TRANK1: variants seen among roughly 807,000 people sequenced by gnomAD.
TRANK1 encodes TPR and ankyrin repeat-containing protein 1.
In TRANK1, 198 loss-of-function variants were observed where a neutral mutation model predicts 266.0. The ratio of observed to expected loss-of-function variants is 0.74; its 90% CI spans 0.66 to 0.84. The LOEUF is 0.84. Ranked by LOEUF, TRANK1 falls within the 40% of genes least tolerant of loss-of-function variation. TRANK1 has a pLI of 0.00. For synonymous variants in TRANK1, 1,396 were observed against 1,384.1 expected (o/e 1.01, Z -0.19); for missense variants, 3,326 against 3,634.6 (o/e 0.92, Z 2.18).
In TRANK1 at chr3:36,847,269, A is replaced by G. The variant is rs749085862; in HGVS notation, c.4965T>C (p.Val1655=). Reference sequence around the variant, plus strand: ...AGCCTGGTTTGTCCAGGGGTACTTCAACCAATGGCCGGTTTTCCTCTCTGG... The same window carrying G: ...AGCCTGGTTTGTCCAGGGGTACTTCGACCAATGGCCGGTTTTCCTCTCTGG... ...TDSREENRPL[V]EVPLDKPGSS... Residue 1655 remains valine (V), a synonymous_variant, in exon 16 of 24, where the codon GTT becomes GTC. Transcript: ENST00000645898. 1.9e-5 allele frequency: 31 copies of G among 1,613,556 alleles called. No homozygotes were observed. Among genetic ancestry groups the G allele is most frequent in the Admixed American group, 1.2e-4 (7 of 59,952 alleles).
chr3:36,937,022 G>A (rs1302699812), intron 1 of TRANK1, among the ~76,000 whole-genome samples: 6 of 152,002 alleles, frequency 3.9e-5, no homozygotes, highest in South Asian at 2.1e-4. Context: ...GCTTGAGCCC[G>A]GGAGGCGGAG....
In TRANK1 at chr3:36,874,255, C is replaced by T. The variant is rs1575238154; in HGVS notation, c.949G>A (p.Asp317Asn). The part of the protein sequence containing the change: ...DVQMLLRFGA[D>N]PTLLDRQSRS... ...GACTGTCGATCCAGCAAAGTGGGAT[C>T]TGCCCCAAAGCGCAGGAGCATCTGC... is the stretch of plus-strand genomic sequence containing the variant. The change falls in exon 9 of 24, where the codon GAT becomes AAT. Residue 317 changes from aspartate to asparagine, a missense_variant. Asp to Asn is a conservative substitution (Grantham distance 23, BLOSUM62 1). Transcript: ENST00000645898. 4 of 1,537,202 alleles carry T rather than the reference C, an allele frequency of 2.6e-6. No individual in the cohort carries two copies. In the Admixed American group the frequency reaches 5.9e-5, roughly 23 times the overall value.
chr3:36,870,143 C>A (rs1308552208), intron 9 of TRANK1, among the ~76,000 whole-genome samples: 1 of 152,232 alleles, frequency 6.6e-6, no homozygotes, highest in African/African-American at 2.4e-5. Flanking sequence ...AGTGGTGGCT[C>A]ACGCCTATAA....
At position 36,874,288 on chromosome 3, in the gene TRANK1, C is replaced by CT. The variant is rs2079354031; in HGVS notation, c.915dup (p.Glu306ArgfsTer31). 1.3e-6 allele frequency: 2 copies of CT among 1,536,944 alleles called. No homozygotes were observed. The highest frequency in any genetic ancestry group is 1.7e-6 in the Non-Finnish European group (2 of 1,146,766). ...AAGCGCAGGAGCATCTGCACATCCT[C>CT]TGTTTGTCCTAGGGCAGGCCAAAAT... is the stretch of plus-strand genomic sequence containing the variant. On this transcript the variant is annotated frameshift_variant, in exon 9 of 24. Coordinates refer to ENST00000645898, the MANE Select transcript of TRANK1 (RefSeq NM_001329998.2). LOFTEE classifies it high-confidence loss of function.
intron 8 of TRANK1, among the ~76,000 whole-genome samples, chr3:36,878,775 C>CA (rs202216198): frequency 1.2e-3 from 148 of 121,752 alleles, no homozygotes; most frequent in Middle Eastern, 4.4e-3. Flanking sequence ...AATGAAAGTT[C>CA]AAAAAAAAAA....
At chr3:36,907,908 G>A (rs1240429883) in intron 2 of TRANK1, among the ~76,000 whole-genome samples, 2 of 152,186 alleles carry the variant, frequency 1.3e-5, no homozygotes, top group African/African-American at 4.8e-5. Flanking sequence ...TACAATGTTT[G>A]AGAACAGGTC....
At position 36,857,868 on chromosome 3, in the gene TRANK1, G is replaced by T. The variant is rs2079080885; in HGVS notation, c.1854C>A (p.Asp618Glu). The change falls in exon 13 of 24, where the codon GAC becomes GAA. Residue 618 changes from aspartate to glutamate, a missense_variant. Coordinates refer to ENST00000645898, the MANE Select transcript of TRANK1 (RefSeq NM_001329998.2). The surrounding 1 kb of genome is among the most constrained non-coding windows in gnomAD (Gnocchi z 4.3). ...KKLLDLLVKF[D>E]INFNLKNKEG... ...CTTTGTTCTTCAGATTGAAGTTGAT[G>T]TCAAACTTCACCAGCAGGTCTAACA... is the stretch of plus-strand genomic sequence containing the variant. The T allele has an allele frequency of 6.8e-6, 11 of 1,613,224 alleles. No homozygotes were observed. Among genetic ancestry groups the T allele is most frequent in the Non-Finnish European group, 8.5e-6 (10 of 1,179,850 alleles).
rs2079041559 is a variant in TRANK1 at position 36,855,668 on chromosome 3, A to G, written c.4054T>C (p.Ser1352Pro). The change falls in exon 13 of 24, where the codon TCT becomes CCT. Residue 1352 changes from serine (S) to proline (P), a missense_variant. Physicochemically the swap from Ser to Pro is moderately conservative, Grantham distance 74. Coordinates refer to ENST00000645898, the MANE Select transcript of TRANK1 (RefSeq NM_001329998.2). ...GCCTCAAAAGAACCCTTTAGAAAAG[A>G]TTTTATTTCTTTCCAAATCAGTGCA... ...NPALIWKEIK[S>P]FLKGSFEALS... is the part of the protein sequence containing the mutation. The G allele has an allele frequency of 6.2e-7, 1 of 1,613,520 alleles. No individual in the cohort carries two copies. The highest frequency in any genetic ancestry group is 1.1e-5 in the South Asian group (1 of 91,066).
At chr3:36,879,820 ACAAATATATG>A (rs1243481459) in intron 8 of TRANK1, among the ~76,000 whole-genome samples, 1 of 115,256 alleles carries the variant, frequency 8.7e-6, no homozygotes, top group Non-Finnish European at 1.7e-5. Context: ...ATGTAAATAT[ACAAATATATG>A]TAAATATACA....
intron 1 of TRANK1, among the ~76,000 whole-genome samples, chr3:36,918,518 A>AAGGAAG (rs1559473271): frequency 8.5e-5 from 3 of 35,324 alleles, no homozygotes; most frequent in African/African-American, 3.4e-4. Context: ...AAAGAAAGAA[A>AAGGAAG]GAAAGAAAGA....
At chr3:36,834,600 C>T (rs1293079593) in intron 21 of TRANK1, 162 bp downstream of exon 21, 2 of 700,588 alleles carry the variant, frequency 2.9e-6, no homozygotes, top group Non-Finnish European at 2.3e-6. Flanking sequence ...GTCCTGCTCT[C>T]AAAGAGCTGC....
intron 17 of TRANK1, 95 bp from the exon 18 acceptor site, chr3:36,842,805 CA>C: frequency 9.1e-7 from 1 of 1,093,208 alleles, no homozygotes; most frequent in Non-Finnish European, 1.4e-6. Flanking sequence ...CGCCAGCCAT[CA>C]AATTCACTTG....
intron 1 of TRANK1, among the ~76,000 whole-genome samples, chr3:36,913,289 G>A (rs192466055): frequency 2.0e-5 from 3 of 152,138 alleles, no homozygotes; most frequent in Admixed American, 1.3e-4. Flanking sequence ...GACCTCAAGT[G>A]ATCCGGCCGC....
At chr3:36,934,732 A>G (rs2080401610) in intron 1 of TRANK1, among the ~76,000 whole-genome samples, 1 of 152,194 alleles carries the variant, frequency 6.6e-6, no homozygotes, top group Non-Finnish European at 1.5e-5. Flanking sequence ...CAAAGACTTG[A>G]GCCAAAAATC....
At chr3:36,934,854 G>T (rs1429368219) in intron 1 of TRANK1, among the ~76,000 whole-genome samples, 1 of 152,190 alleles carries the variant, frequency 6.6e-6, no homozygotes, top group Non-Finnish European at 1.5e-5. Context: ...CCCTTAGGAG[G>T]CATGCAGGCC....
intron 1 of TRANK1, among the ~76,000 whole-genome samples, chr3:36,934,478 A>G (rs183212873): frequency 1.3e-5 from 2 of 152,282 alleles, no homozygotes; most frequent in African/African-American, 2.4e-5. Flanking sequence ...TCATTCATTA[A>G]AAACGAGGGA....
chr3:36,919,071 T>C (rs1173752086), intron 1 of TRANK1, among the ~76,000 whole-genome samples: 1 of 152,222 alleles, frequency 6.6e-6, no homozygotes, highest in Non-Finnish European at 1.5e-5. Flanking sequence ...ACAGCAACAA[T>C]TACTGTGCAA....
chr3:36,828,438 G>C lies in TRANK1; in HGVS notation c.8810-63C>G. ...GAAGGGAGGGAGGGAGGGAAGGAAA[G>C]AAGGAAGGAAGGAAGGAAGGAAAGG... is the stretch of plus-strand genomic sequence containing the variant. On this transcript the variant is annotated intron_variant, in intron 23 of 23. Coordinates refer to ENST00000645898, the MANE Select transcript of TRANK1 (RefSeq NM_001329998.2). 2 of 844,266 alleles carry C rather than the reference G, an allele frequency of 2.4e-6. 1 individual carries two copies. The highest frequency in any genetic ancestry group is 3.1e-5 in the South Asian group (2 of 64,176). The allele number at this position is 844,266 out of a possible 1,614,324, so 52.3% of individuals were successfully genotyped here.
intron 1 of TRANK1, among the ~76,000 whole-genome samples, chr3:36,932,024 A>G (rs993218942): frequency 1.3e-5 from 2 of 152,224 alleles, no homozygotes; most frequent in Admixed American, 1.3e-4. Flanking sequence ...CTTTTTATAT[A>G]TTGTTAGATT....
Sources: allele counts gnomAD v4.1 joint callset (sites outside exome capture counted in the v4.1 genomes callset), GRCh38; gene constraint gnomAD v4.1.1; non-coding constraint Gnocchi (gnomAD v3.1); transcripts MANE v1.5; gene names NCBI Gene and HGNC (gene_info 2026-07-23, HGNC 2026-07-21).